GNAS: variants seen among roughly 807,000 people sequenced by gnomAD.
GNAS encodes the protein protein ALEX.
A neutral mutation model predicts 54.5 loss-of-function variants in GNAS; 8 were observed. That is an observed-to-expected ratio of 0.15 (90% confidence interval 0.09 to 0.26). The LOEUF (loss-of-function observed/expected upper bound fraction) is 0.26, where lower values mean the gene tolerates loss of function less well. Among genes scored for constraint, GNAS ranks in the 10% least tolerant of loss-of-function variants. The pLI, the probability that GNAS is intolerant of heterozygous loss-of-function variation, is 1.00. For synonymous variants in GNAS, 204 were observed against 191.4 expected, an observed-to-expected ratio of 1.07 and a Z score of -0.54; for missense variants, 170 against 529.8, an observed-to-expected ratio of 0.32 and a Z score of 6.67.
In GNAS at chr20:58,857,283, C is replaced by G. The variant is rs1285580529; in HGVS notation, c.43+16397C>G. 1 of 152,164 alleles carries G rather than the reference C, an allele frequency of 6.6e-6. No individual in the cohort carries two copies. The highest frequency in any genetic ancestry group is 1.5e-5 in the Non-Finnish European group (1 of 68,034). The allele number at this position is 152,164 out of a possible 1,614,324, so 9.4% of individuals were successfully genotyped here. ...TTTGTGTATGCCCATCCAGGTAGAT[C>G]ATGACATTGTCATTTACCTAAAGAC... On this transcript the variant is annotated intron_variant, in intron 1 of 12. Coordinates refer to the GNAS transcript ENST00000306090. The surrounding 1 kb of genome is among the most constrained non-coding windows in gnomAD (Gnocchi z 4.1).
intron 1 of GNAS, among the ~76,000 whole-genome samples, chr20:58,860,405 C>G (rs1233988491): frequency 6.6e-6 from 1 of 151,026 alleles, no homozygotes; most frequent in Non-Finnish European, 1.5e-5. Flanking sequence ...TTTAGGTTTC[C>G]ACTAAATAAT....
chr20:58,905,612 G>A, intron 6 of GNAS, 132 bp downstream of exon 6: 2 of 710,260 alleles, frequency 2.8e-6, no homozygotes, highest in Non-Finnish European at 5.1e-6. Flanking sequence ...TACCCCACTG[G>A]CAGAAAGTTC....
chr20:58,911,154 TAAA>T lies in GNAS; in HGVS notation c.*331_*333del. On this transcript the variant is annotated 3_prime_UTR_variant, in exon 13 of 13. Coordinates refer to ENST00000371085, the MANE Select transcript of GNAS (RefSeq NM_000516.7). ...AAATAAATATTGTGTTGTGCAGCAT[TAAA>T]AAAAATCAAAATAAAAATTAAATGT... 1 of 500,446 alleles carries T rather than the reference TAAA, an allele frequency of 2.0e-6. No individual in the cohort carries two copies. The highest frequency in any genetic ancestry group is 3.7e-6 in the Non-Finnish European group (1 of 269,370). 31.0% of individuals were successfully genotyped at this position (500,446 alleles called of 1,614,324 possible). A position where few individuals can be genotyped will look rare whatever the true frequency, so the allele number is the denominator to read the frequency against.
chr20:58,854,382 G>T, intron 1 of GNAS: 2 of 1,569,344 alleles, frequency 1.3e-6, no homozygotes. Context: ...GGGAGGAAAA[G>T]TACCCTCTCC....
At position 58,891,421 on chromosome 20, in the gene GNAS, AGCAGCTCCC is replaced by A. The variant is rs983939837; in HGVS notation, c.-297_-289del. 17 of 364,588 alleles carry A rather than the reference AGCAGCTCCC, an allele frequency of 4.7e-5. No homozygotes were observed. The highest frequency in any genetic ancestry group is 6.3e-5 in the Non-Finnish European group (17 of 269,130). 22.6% of individuals were successfully genotyped at this position (364,588 alleles called of 1,614,324 possible). A position where few individuals can be genotyped will look rare whatever the true frequency, so the allele number is the denominator to read the frequency against. ...GAGCGGCGGCGGCGGCAGCGGCGGC[AGCAGCTCCC>A]GCAGCTCCTGCTCTGGTCCGCCTCG... On this transcript the variant is annotated 5_prime_UTR_variant, in exon 1 of 13. Transcript: ENST00000371085.
rs755766644 is a variant in GNAS at position 58,909,506 on chromosome 20, C to T, written c.660-15C>T. On this transcript the variant is annotated splice_polypyrimidine_tract_variant and intron_variant, in intron 8 of 12. Coordinates refer to ENST00000371085, the MANE Select transcript of GNAS (RefSeq NM_000516.7). The surrounding 1 kb of genome is among the most constrained non-coding windows in gnomAD (Gnocchi z 7.3). ...CAGTCCCTCTGGAATAACCAGCTGT[C>T]CTCCTCCCCACCAGCATGTTTGACG... is the stretch of plus-strand genomic sequence containing the variant. The T allele has an allele frequency of 6.2e-7, 1 of 1,613,894 alleles. No homozygotes were observed. The highest frequency in any genetic ancestry group is 8.5e-7 in the Non-Finnish European group (1 of 1,179,778).
chr20:58,872,834 C>T (rs924717913), intron 1 of GNAS, among the ~76,000 whole-genome samples: 1 of 152,120 alleles, frequency 6.6e-6, no homozygotes, highest in Non-Finnish European at 1.5e-5. Context: ...GAAAATATTC[C>T]GTCAGCTGCC....
intron 1 of GNAS, among the ~76,000 whole-genome samples, chr20:58,877,581 A>G (rs2087910606): frequency 6.6e-6 from 1 of 152,210 alleles, no homozygotes; most frequent in Admixed American, 6.5e-5. Context: ...ATGGACACTT[A>G]AGGGCTTCAG....
Position 58,891,618 on chromosome 20 carries a change from G to T in GNAS, c.-109G>T. ...CGCTCCTTGCCGAGGAGCCGAGCCC[G>T]CGCCCGGCCCGCCCGCCCGGCGCTG... On this transcript the variant is annotated 5_prime_UTR_variant, in exon 1 of 13. Coordinates refer to ENST00000371085, the MANE Select transcript of GNAS (RefSeq NM_000516.7). The T allele has an allele frequency of 1.0e-6, 1 of 967,218 alleles. No individual in the cohort carries two copies. The highest frequency in any genetic ancestry group is 1.2e-6 in the Non-Finnish European group (1 of 821,510). The allele number at this position is 967,218 out of a possible 1,614,324, so 59.9% of individuals were successfully genotyped here. A position where few individuals can be genotyped will look rare whatever the true frequency, so the allele number is the denominator to read the frequency against.
At chr20:58,855,966 T>G in intron 1 of GNAS, 2 of 301,876 alleles carry the variant, frequency 6.6e-6, no homozygotes, top group East Asian at 5.9e-5. Context: ...TCGCACACTC[T>G]GGTGGTACCT....
intron 1 of GNAS, among the ~76,000 whole-genome samples, chr20:58,870,371 G>C (rs1390068835): frequency 6.6e-6 from 1 of 152,246 alleles, no homozygotes; most frequent in Non-Finnish European, 1.5e-5. Context: ...CTGAGGGCAG[G>C]TGACCCTGTA....
rs1230639378 is a variant in GNAS at position 58,855,715 on chromosome 20, G to C, written c.43+14829G>C. The stretch of plus-strand genomic sequence containing the variant: ...CCCTGGCTAGGCTGGTGGGGTCCAC[G>C]GTGGGCTGGGGTCATTGGGGAAGGC... On this transcript the variant is annotated intron_variant, in intron 1 of 12. Coordinates refer to the GNAS transcript ENST00000306090. 3 of 634,178 alleles carry C rather than the reference G, an allele frequency of 4.7e-6. No individual in the cohort carries two copies. The Admixed American group carries it at 8.5e-5, about 18-fold the overall frequency. 39.3% of individuals were successfully genotyped at this position (634,178 alleles called of 1,614,324 possible). A position where few individuals can be genotyped will look rare whatever the true frequency, so the allele number is the denominator to read the frequency against.
upstream of GNAS, chr20:58,840,197 G>A: frequency 6.2e-7 from 1 of 1,611,214 alleles, no homozygotes; most frequent in South Asian, 1.1e-5. This position sits in a 1 kb window ranked among gnomAD's most constrained non-coding sequence, Gnocchi z 6.0. Context: ...GGCAGCCACC[G>A]CGCTCCTCTG....
Position 58,891,693 on chromosome 20 carries a change from AGCCCGGCCGCGCCCCGCCGCCGCCGCC to A in GNAS, c.-30_-4del, listed in dbSNP as rs746747045. ...GGCCGCCCGCGCCCGCCGCCGCCGC[AGCCCGGCCGCGCCCCGCCGCCGCCGCC>A]GCCGCCATGGGCTGCCTCGGGAACA... On this transcript the variant is annotated 5_prime_UTR_variant, in exon 1 of 13. Transcript: ENST00000371085. 42 of 984,208 alleles carry A rather than the reference AGCCCGGCCGCGCCCCGCCGCCGCCGCC, an allele frequency of 4.3e-5. No individual in the cohort carries two copies. Among genetic ancestry groups the A allele is most frequent in the Non-Finnish European group, 4.8e-5 (40 of 827,544 alleles). 61.0% of individuals were successfully genotyped at this position (984,208 alleles called of 1,614,324 possible). A position where few individuals can be genotyped will look rare whatever the true frequency, so the allele number is the denominator to read the frequency against.
chr20:58,853,428 C>T lies in GNAS; in HGVS notation c.43+12542C>T, dbSNP rs759785568. On this transcript the variant is annotated intron_variant, in intron 1 of 12. Transcript: ENST00000306090. This position sits in a 1 kb window ranked among gnomAD's most constrained non-coding sequence, Gnocchi z 4.4. Reference sequence around the variant, plus strand: ...CGAAGAGATGGAGACCGAACCGCCTCACAACGAGCCCATCCCCGTCGAGAA... The same window carrying T: ...CGAAGAGATGGAGACCGAACCGCCTTACAACGAGCCCATCCCCGTCGAGAA... 91 of 1,602,414 alleles carry T rather than the reference C, an allele frequency of 5.7e-5. No homozygotes were observed. Among genetic ancestry groups the T allele is most frequent in the Non-Finnish European group, 7.3e-5 (86 of 1,174,980 alleles).
At position 58,891,775 on chromosome 20, in the gene GNAS, A is replaced by G; in HGVS notation, c.49A>G (p.Lys17Glu). The change falls in exon 1 of 13, where the codon AAG becomes GAG. Residue 17 changes from lysine (K) to glutamate (E), a missense_variant. Lys to Glu is a moderately conservative substitution (Grantham distance 56). Around this residue, in one of 3 missense-constraint regions of GNAS, gnomAD observed 56 missense variants for 55.7 expected, o/e 1.01. Coordinates refer to ENST00000371085, the MANE Select transcript of GNAS (RefSeq NM_000516.7). ...SKTEDQRNEE[K>E]AQREANKKIE... ...GACCGAGGACCAGCGCAACGAGGAGAAGGCGCAGCGTGAGGCCAACAAAAA... is the reference window on the plus strand; with the variant it reads ...GACCGAGGACCAGCGCAACGAGGAGGAGGCGCAGCGTGAGGCCAACAAAAA... The G allele has an allele frequency of 7.8e-7, 1 of 1,276,478 alleles. No homozygotes were observed. Among genetic ancestry groups the G allele is most frequent in the Non-Finnish European group, 1.0e-6 (1 of 971,314 alleles). 79.1% of individuals were successfully genotyped at this position (1,276,478 alleles called of 1,614,324 possible). A position where few individuals can be genotyped will look rare whatever the true frequency, so the allele number is the denominator to read the frequency against.
upstream of GNAS, chr20:58,888,584 C>T (rs980314734): frequency 6.6e-6 from 1 of 152,224 alleles, no homozygotes; most frequent in African/African-American, 2.4e-5. Context: ...CGCCACCTCT[C>T]CCACCTGGGA....
Position 58,854,498 on chromosome 20 carries a change from C to T in GNAS, c.43+13612C>T, listed in dbSNP as rs373809205. The stretch of plus-strand genomic sequence containing the variant: ...ACTCCGGGGCAACCCCAGAAGATCC[C>T]GACTCCGGGACAGCACCAGCCGATC... On this transcript the variant is annotated intron_variant, in intron 1 of 12. Transcript: ENST00000306090. 10 of 1,576,068 alleles carry T rather than the reference C, an allele frequency of 6.3e-6. No homozygotes were observed. In the African/African-American group the frequency reaches 8.4e-5, roughly 13 times the overall value.
At chr20:58,882,909 A>AT (rs1487088987) in intron 1 of GNAS, 1 of 152,050 alleles carries the variant, frequency 6.6e-6, no homozygotes, top group East Asian at 1.9e-4. Context: ...TTTCATTTAT[A>AT]TTTTTACCTG....
Sources: gnomAD v4.1 joint callset for allele counts (sites outside exome capture counted in the v4.1 genomes callset) on GRCh38, gnomAD v4.1.1 for gene constraint, gnomAD v4.1.1 regional missense constraint, Gnocchi (gnomAD v3.1) non-coding constraint, MANE v1.5 for transcripts, NCBI Gene and HGNC (gene_info 2026-07-23, HGNC 2026-07-21) for gene names.